PLEKHG3: variants seen among roughly 807,000 people sequenced by gnomAD.
PLEKHG3 encodes pleckstrin homology domain-containing family G member 3.
A neutral mutation model predicts 94.9 loss-of-function variants in PLEKHG3; 62 were observed. The observed-to-expected ratio is 0.65, with a 90% CI of 0.53 to 0.81. The LOEUF is 0.81. Among genes scored for constraint, PLEKHG3 ranks in the 30% least tolerant of loss-of-function variants. PLEKHG3 has a pLI of 0.00. For missense variants in PLEKHG3, 1,461 were observed against 1,619.3 expected, an observed-to-expected ratio of 0.90 and a Z score of 1.68; for synonymous variants, 614 against 654.0, an observed-to-expected ratio of 0.94 and a Z score of 0.93.
In PLEKHG3 at chr14:64,708,110, C is replaced by T. The variant is rs191411657; in HGVS notation, c.-40+3406C>T. 4.9e-4 allele frequency among the ~76,000 whole-genome samples: 75 copies of T among 152,138 alleles called. 2 individuals are homozygous for T. The Middle Eastern group carries it at 0.01, about 21-fold the overall frequency. ...ATTAGAGGGAGGGGAAAATAGAAAA[C>T]CTTGGCAAAAACTTTCTGGTTAGGG... On this transcript the variant is annotated intron_variant, in intron 1 of 16. Coordinates refer to ENST00000247226, the MANE Select transcript of PLEKHG3 (RefSeq NM_001308147.2).
At position 64,722,163 on chromosome 14, in the gene PLEKHG3, A is replaced by T. The variant is rs924798380; in HGVS notation, c.-39-5430A>T. Reference sequence around the variant, plus strand: ...ATGATGTAGTTGAGGGATGAAGGCCACACAGGAGGGCTGCGCCATCGCCGT... The same window carrying T: ...ATGATGTAGTTGAGGGATGAAGGCCTCACAGGAGGGCTGCGCCATCGCCGT... On this transcript the variant is annotated intron_variant, in intron 1 of 16. Transcript: ENST00000247226. The surrounding 1 kb of genome is among the most constrained non-coding windows in gnomAD (Gnocchi z 4.3). 1.3e-5 allele frequency among the ~76,000 whole-genome samples: 2 copies of T among 152,138 alleles called. No individual in the cohort carries two copies. Among genetic ancestry groups the T allele is most frequent in the Non-Finnish European group, 2.9e-5 (2 of 68,016 alleles).
rs1347765234 is a variant in PLEKHG3, at chr14:64,717,183, C to T, written c.-39-10410C>T. On this transcript the variant is annotated intron_variant, in intron 1 of 16. Transcript: ENST00000247226. This position sits in a 1 kb window ranked among gnomAD's most constrained non-coding sequence, Gnocchi z 4.7. ...AGGTCTGCTTTGGAAAATCCACTTT[C>T]CTAACTTCTCTGGGTCAGGCACCAA... Among the ~76,000 whole-genome samples the T allele has an allele frequency of 6.6e-6, 1 of 151,404 alleles. No individual in the cohort carries two copies. The highest frequency in any genetic ancestry group is 1.5e-5 in the Non-Finnish European group (1 of 67,868).
Position 64,741,276 on chromosome 14 carries a change from G to A in PLEKHG3, c.1759G>A (p.Ala587Thr), listed in dbSNP as rs188437537. The A allele has an allele frequency of 1.1e-5, 18 of 1,613,814 alleles. No homozygotes were observed. Among genetic ancestry groups the A allele is most frequent in the African/African-American group, 6.7e-5 (5 of 75,058 alleles). ...SEEEEEMGGAAQEPESLLPPS... is the reference protein window; with the variant it reads ...SEEEEEMGGATQEPESLLPPS... ...GGAGGAAGAAGAAATGGGAGGTGCC[G>A]CCCAGGAGCCTGAGAGCCTTCTGCC... is the stretch of plus-strand genomic sequence containing the variant. Residue 587 changes from alanine to threonine, a missense_variant, in exon 16 of 17, where the codon GCC (alanine) becomes ACC (threonine). Coordinates refer to ENST00000247226, the MANE Select transcript of PLEKHG3 (RefSeq NM_001308147.2).
In PLEKHG3 at chr14:64,732,758, G is replaced by A; in HGVS notation, c.1247-45G>A. 1.4e-6 allele frequency: 2 copies of A among 1,471,124 alleles called. No homozygotes were observed. Among genetic ancestry groups the A allele is most frequent in the Non-Finnish European group, 1.9e-6 (2 of 1,069,356 alleles). The allele number at this position is 1,471,124 out of a possible 1,614,324, so 91.1% of individuals were successfully genotyped here. A position where few individuals can be genotyped will look rare whatever the true frequency, so the allele number is the denominator to read the frequency against. ...TGGACAGGGTCTAGGGTAGGCCAAG[G>A]CCAATTGGGAATCAAAAGCTTGATC... On this transcript the variant is annotated intron_variant, in intron 11 of 16. Transcript: ENST00000247226. This position sits in a 1 kb window ranked among gnomAD's most constrained non-coding sequence, Gnocchi z 4.9.
chr14:64,748,126 T>G lies in PLEKHG3; in HGVS notation c.*4423T>G, dbSNP rs1197467425. ...CCTTCATGGCTCTGGCCCTGACATT[T>G]GTCCCAGTTGTGCAGGAGTAGCTGT... On this transcript the variant is annotated 3_prime_UTR_variant, in exon 17 of 17. Coordinates refer to ENST00000247226, the MANE Select transcript of PLEKHG3 (RefSeq NM_001308147.2). The G allele has an allele frequency of 6.6e-6, 1 of 152,132 alleles. No individual in the cohort carries two copies. Among genetic ancestry groups the G allele is most frequent in the Non-Finnish European group, 1.5e-5 (1 of 68,036 alleles). 9.4% of individuals were successfully genotyped at this position (152,132 alleles called of 1,614,324 possible). A position where few individuals can be genotyped will look rare whatever the true frequency, so the allele number is the denominator to read the frequency against.
chr14:64,743,616 G>A lies in PLEKHG3; in HGVS notation c.3573G>A (p.Glu1191=), dbSNP rs2081767371. 3 of 1,612,714 alleles carry A rather than the reference G, an allele frequency of 1.9e-6. No individual in the cohort carries two copies. In the South Asian group the frequency reaches 3.3e-5, roughly 18 times the overall value. ...CTGCAGAGTGCCAGCCGAAGGAAGA[G>A]GGTTCCAGGGACCCGGCAGACCCGA... ...QQSAECQPKE[E]GSRDPADPSQ... Residue 1191 remains glutamate (E), a synonymous_variant, in exon 17 of 17, where the codon GAG becomes GAA. Transcript: ENST00000247226. The surrounding 1 kb of genome is among the most constrained non-coding windows in gnomAD (Gnocchi z 7.2).
At chr14:64,736,080 C>G (rs561565178) in intron 12 of PLEKHG3, among the ~76,000 whole-genome samples, 5 of 152,350 alleles carry the variant, frequency 3.3e-5, no homozygotes, top group Middle Eastern at 3.4e-3. Context: ...AGGTGTGTAG[C>G]AAATCATGGC....
chr14:64,727,509 T>TCCCCCCCCCCCCC lies in PLEKHG3; in HGVS notation c.-39-84_-39-83insCCCCCCCCCCCCC. 3.0e-6 allele frequency: 1 copy of TCCCCCCCCCCCCC among 336,210 alleles called. No homozygotes were observed. The highest frequency in any genetic ancestry group is 5.8e-6 in the Non-Finnish European group (1 of 171,880). 20.8% of individuals were successfully genotyped at this position (336,210 alleles called of 1,614,324 possible). ...CTAAATAATACCTTCCCACCCCACC[T>TCCCCCCCCCCCCC]GCCCCCACCCCTGGCAACCGTCCCT... On this transcript the variant is annotated intron_variant, in intron 1 of 16. Transcript: ENST00000247226. The surrounding 1 kb of genome is among the most constrained non-coding windows in gnomAD (Gnocchi z 6.0).
Position 64,715,964 on chromosome 14 carries a change from C to A in PLEKHG3, c.-40+11260C>A, listed in dbSNP as rs1348279015. 2.2e-6 allele frequency: 1 copy of A among 447,638 alleles called. No individual in the cohort carries two copies. The highest frequency in any genetic ancestry group is 1.6e-5 in the South Asian group (1 of 63,724). The allele number at this position is 447,638 out of a possible 1,614,324, so 27.7% of individuals were successfully genotyped here. On this transcript the variant is annotated intron_variant, in intron 1 of 16. Transcript: ENST00000247226. The surrounding 1 kb of genome is among the most constrained non-coding windows in gnomAD (Gnocchi z 4.4). The stretch of plus-strand genomic sequence containing the variant: ...GCGGCGGGCGCTTTAATTCCCGAGG[C>A]TGTTGGTGGCAGCTCGCTGCTCACC...
intron 3 of PLEKHG3, among the ~76,000 whole-genome samples, chr14:64,729,310 T>G (rs1344132456): frequency 6.6e-6 from 1 of 152,198 alleles, no homozygotes; most frequent in African/African-American, 2.4e-5. Context: ...TGTGTGCATG[T>G]TGGGTCCATC....
Position 64,723,352 on chromosome 14 carries a change from C to T in PLEKHG3, c.-39-4241C>T, listed in dbSNP as rs1008623369. On this transcript the variant is annotated intron_variant, in intron 1 of 16. Transcript: ENST00000247226. This position sits in a 1 kb window ranked among gnomAD's most constrained non-coding sequence, Gnocchi z 4.5. ...CTTTAGGAGGCTGAGGCAGGAGGAT[C>T]GCTTGAGGTCGAGGCTGCAATGAGC... Among the ~76,000 whole-genome samples, 7 of 152,206 alleles carry T rather than the reference C, an allele frequency of 4.6e-5. No individual in the cohort carries two copies. The highest frequency in any genetic ancestry group is 2.1e-4 in the South Asian group (1 of 4,822).
intron 1 of PLEKHG3, among the ~76,000 whole-genome samples, chr14:64,711,046 T>G (rs74473715): frequency 0.069 from 10,442 of 152,218 alleles, 398 homozygotes; most frequent in Non-Finnish European, 0.085. Flanking sequence ...GATACTTAGG[T>G]AATAATATCA....
chr14:64,736,317 C>A (rs1594702474), intron 12 of PLEKHG3, among the ~76,000 whole-genome samples: 1 of 152,254 alleles, frequency 6.6e-6, no homozygotes, highest in African/African-American at 2.4e-5. Flanking sequence ...CCGGGCAACT[C>A]TCCCCAGCGG....
In PLEKHG3 at chr14:64,749,528, G is replaced by T; in HGVS notation, c.*5825G>T. The stretch of plus-strand genomic sequence containing the variant: ...GGAGGCCCACAGCCCCCCACCTCCC[G>T]GGCCAGGCAACAATGGTGGGGGCTC... On this transcript the variant is annotated 3_prime_UTR_variant, in exon 17 of 17. Coordinates refer to ENST00000247226, the MANE Select transcript of PLEKHG3 (RefSeq NM_001308147.2). The surrounding 1 kb of genome is among the most constrained non-coding windows in gnomAD (Gnocchi z 4.7). The T allele has an allele frequency of 6.3e-7, 1 of 1,598,396 alleles. No homozygotes were observed. The highest frequency in any genetic ancestry group is 1.7e-5 in the Admixed American group (1 of 59,606).
chr14:64,704,996 G>T lies in PLEKHG3; in HGVS notation c.-40+292G>T, dbSNP rs1486133124. Reference sequence around the variant, plus strand: ...AAATGCGCCGGGCGGCTCCAGAGAGGCTCAGTTTGAAATCCAGGAAGCCCG... The same window carrying T: ...AAATGCGCCGGGCGGCTCCAGAGAGTCTCAGTTTGAAATCCAGGAAGCCCG... On this transcript the variant is annotated intron_variant, in intron 1 of 16. Coordinates refer to ENST00000247226, the MANE Select transcript of PLEKHG3 (RefSeq NM_001308147.2). The surrounding 1 kb of genome is among the most constrained non-coding windows in gnomAD (Gnocchi z 5.6). Among the ~76,000 whole-genome samples, 1 of 152,172 alleles carries T rather than the reference G, an allele frequency of 6.6e-6. No homozygotes were observed. Among genetic ancestry groups the T allele is most frequent in the Non-Finnish European group, 1.5e-5 (1 of 68,016 alleles).
chr14:64,705,446 T>C (rs1359990232), intron 1 of PLEKHG3, among the ~76,000 whole-genome samples: 1 of 151,788 alleles, frequency 6.6e-6, no homozygotes, highest in African/African-American at 2.4e-5. Flanking sequence ...GCTGGAGAGG[T>C]GTGGCTTTTG....
At chr14:64,713,011 G>C (rs1177746630) in intron 1 of PLEKHG3, among the ~76,000 whole-genome samples, 2 of 152,296 alleles carry the variant, frequency 1.3e-5, no homozygotes, top group African/African-American at 2.4e-5. Flanking sequence ...TTTTATCATA[G>C]AAGAGTGTTG....
rs1555359440 is a variant in PLEKHG3, at chr14:64,716,496, A to ACAACACAC, written c.-39-11097_-39-11096insCAACACAC. ...ACACACACACAACACACACACACACAACACACACACACACACACACACACA... is the reference window on the plus strand; with the variant it reads ...ACACACACACAACACACACACACACACAACACACACACACACACACACACACACACACA... On this transcript the variant is annotated intron_variant, in intron 1 of 16. Transcript: ENST00000247226. The surrounding 1 kb of genome is among the most constrained non-coding windows in gnomAD (Gnocchi z 5.0). Among the ~76,000 whole-genome samples, 9 of 79,544 alleles carry ACAACACAC rather than the reference A, an allele frequency of 1.1e-4. No homozygotes were observed. Among genetic ancestry groups the ACAACACAC allele is most frequent in the East Asian group, 9.8e-4 (2 of 2,044 alleles). The allele number at this position is 79,544 out of a possible 152,430, so 52.2% of individuals were successfully genotyped here.
At chr14:64,719,188 G>A (rs913660071) in intron 1 of PLEKHG3, among the ~76,000 whole-genome samples, 1 of 152,222 alleles carries the variant, frequency 6.6e-6, no homozygotes, top group Non-Finnish European at 1.5e-5. Flanking sequence ...CACACGGGTG[G>A]TGGGGGAAGG....
Sources: gnomAD v4.1 joint callset for allele counts (sites outside exome capture counted in the v4.1 genomes callset) on GRCh38, gnomAD v4.1.1 for gene constraint, Gnocchi (gnomAD v3.1) non-coding constraint, MANE v1.5 for transcripts, NCBI Gene and HGNC (gene_info 2026-07-23, HGNC 2026-07-21) for gene names.